The following TBCK variants were observed in gnomAD, a reference collection of about 807,000 sequenced individuals.
TBCK encodes TBC1 domain containing kinase, also known as TBC domain-containing protein kinase-like protein.
Under a neutral mutation model 113.4 loss-of-function variants are expected in TBCK, and 99 were observed. That is an observed-to-expected ratio of 0.87 (90% CI 0.74 to 1.03). The LOEUF is 1.03. Ranked by LOEUF, TBCK falls within the 50% of genes least tolerant of loss-of-function variation. The pLI is 0.00. For missense variants in TBCK, 1,045 were observed against 1,061.3 expected (o/e 0.98, Z 0.21); for synonymous variants, 369 against 370.8 (o/e 1.00, Z 0.05).
Position 106,178,195 on chromosome 4 carries a change from G to A in TBCK, c.2060-6925C>T, listed in dbSNP as rs559409602. On this transcript the variant is annotated intron_variant, in intron 22 of 25. Transcript: ENST00000394708. ...TTTTGTATCCCAATTTACTGAATTC[G>A]CAAATCTGTTCTAACAGTTTTTTGG... 4.6e-5 allele frequency among the ~76,000 whole-genome samples: 7 copies of A among 151,964 alleles called. No homozygotes were observed. The East Asian group carries it at 9.7e-4, about 21-fold the overall frequency.
intron 23 of TBCK, among the ~76,000 whole-genome samples, chr4:106,139,396 A>T (rs1746934014): frequency 7.0e-6 from 1 of 142,136 alleles, no homozygotes; most frequent in South Asian, 2.4e-4. Context: ...AATGCAATTA[A>T]GATGTCCCAA....
intron 3 of TBCK, among the ~76,000 whole-genome samples, chr4:106,279,782 A>C (rs1279606815): frequency 6.6e-6 from 1 of 152,090 alleles, no homozygotes. Context: ...CTTATGGCTG[A>C]ATAGTACTCC....
chr4:106,197,409 GTGTA>G (rs1213410032), intron 20 of TBCK, among the ~76,000 whole-genome samples: 2 of 77,148 alleles, frequency 2.6e-5, no homozygotes, highest in Non-Finnish European at 3.4e-5. Flanking sequence ...GTGTGTGTGT[GTGTA>G]TATATATATA....
intron 23 of TBCK, among the ~76,000 whole-genome samples, chr4:106,128,467 T>A (rs1260853357): frequency 2.0e-5 from 3 of 152,164 alleles, no homozygotes; most frequent in Admixed American, 2.0e-4. Flanking sequence ...TAGGGTTTAG[T>A]TACAACATAC....
At chr4:106,248,114 T>A (rs958420588) in intron 9 of TBCK, 131 bp downstream of exon 9, 16 of 471,774 alleles carry the variant, frequency 3.4e-5, no homozygotes, top group Non-Finnish European at 5.9e-5. Context: ...TTCACAGTTA[T>A]GATACTGATG....
At chr4:106,312,030 C>T (rs973765022) in intron 1 of TBCK, among the ~76,000 whole-genome samples, 2 of 151,996 alleles carry the variant, frequency 1.3e-5, no homozygotes, top group African/African-American at 4.8e-5. Context: ...TTCTTAGACA[C>T]AATAGAACAA....
At chr4:106,120,860 T>C (rs1423567299) in intron 23 of TBCK, among the ~76,000 whole-genome samples, 1 of 151,486 alleles carries the variant, frequency 6.6e-6, no homozygotes, top group African/African-American at 2.4e-5. Context: ...ACCACAAAGA[T>C]GGGAAAAAAA....
chr4:106,058,149 C>T (rs1045307765), intron 25 of TBCK, among the ~76,000 whole-genome samples: 8 of 151,740 alleles, frequency 5.3e-5, no homozygotes, highest in African/African-American at 1.9e-4. Flanking sequence ...TATAACAATG[C>T]AACATAGTCC....
chr4:106,216,996 G>A (rs1439581301), intron 19 of TBCK, among the ~76,000 whole-genome samples: 4 of 152,132 alleles, frequency 2.6e-5, no homozygotes, highest in Non-Finnish European at 5.9e-5. Flanking sequence ...AAATCCAGCA[G>A]CACATCAAAA....
At chr4:106,266,921 CTAGTAG>C (rs1021568357) in intron 3 of TBCK, among the ~76,000 whole-genome samples, 83 of 151,832 alleles carry the variant, frequency 5.5e-4, no homozygotes, top group African/African-American at 1.8e-3. Flanking sequence ...TATCATATGT[CTAGTAG>C]TAGTTAACAT....
intron 9 of TBCK, chr4:106,247,521 A>G (rs1760975662): frequency 1.1e-5 from 4 of 375,048 alleles, no homozygotes; most frequent in Non-Finnish European, 1.9e-5. Context: ...TGTATCAAAA[A>G]TATCATTCCA....
At chr4:106,118,100 T>C (rs979927309) in intron 23 of TBCK, among the ~76,000 whole-genome samples, 2 of 152,164 alleles carry the variant, frequency 1.3e-5, no homozygotes, top group Non-Finnish European at 1.5e-5. Flanking sequence ...TTATGTTTCA[T>C]AAGTTATCAA....
rs529517160 is a variant in TBCK, at chr4:106,190,917, T to A, written c.2059+2692A>T. 1.3e-4 allele frequency among the ~76,000 whole-genome samples: 20 copies of A among 152,224 alleles called. 1 individual carries two copies. In the Middle Eastern group the frequency reaches 0.014, roughly 104 times the overall value. On this transcript the variant is annotated intron_variant, in intron 22 of 25. Coordinates refer to ENST00000394708, the MANE Select transcript of TBCK (RefSeq NM_001163435.3). ...CACCACGCCCGTCTAATTTGTTGTA[T>A]TTTTAGTAGAGATAGAGTTTCACCA...
chr4:106,095,441 C>A, intron 25 of TBCK, 41 bp downstream of exon 25: 1 of 1,538,406 alleles, frequency 6.5e-7, no homozygotes, highest in South Asian at 1.2e-5. Flanking sequence ...GCAGGTAAAT[C>A]ACTCATCATA....
At chr4:106,058,643 G>C (rs1018049148) in intron 25 of TBCK, among the ~76,000 whole-genome samples, 1 of 151,744 alleles carries the variant, frequency 6.6e-6, no homozygotes, top group East Asian at 1.9e-4. Context: ...ACCTAAGAGG[G>C]TGAGGGAGCA....
At position 106,222,717 on chromosome 4, in the gene TBCK, G is replaced by T. The variant is rs150861998; in HGVS notation, c.1774+7646C>A. Among the ~76,000 whole-genome samples, 3 of 152,118 alleles carry T rather than the reference G, an allele frequency of 2.0e-5. No homozygotes were observed. The South Asian group carries it at 6.2e-4, about 32-fold the overall frequency. On this transcript the variant is annotated intron_variant, in intron 19 of 25. Transcript: ENST00000394708. ...AGAATGTGCCCAAACCAAACCATTT[G>T]GTGATAATGTTGACTCACTGCACTC...
intron 19 of TBCK, among the ~76,000 whole-genome samples, chr4:106,228,727 G>A (rs1158305154): frequency 6.6e-6 from 1 of 151,812 alleles, no homozygotes; most frequent in Non-Finnish European, 1.5e-5. Flanking sequence ...ATATCTCTCT[G>A]ACACTCATTT....
At chr4:106,249,069 A>C (rs1761154016) in intron 7 of TBCK, 87 bp from the exon 8 acceptor site, 1 of 857,808 alleles carries the variant, frequency 1.2e-6, no homozygotes. Context: ...AAATGTTTTA[A>C]TGGAGTAATG....
intron 3 of TBCK, among the ~76,000 whole-genome samples, chr4:106,290,067 T>A (rs899320326): frequency 6.6e-6 from 1 of 152,200 alleles, no homozygotes; most frequent in Non-Finnish European, 1.5e-5. Context: ...CCTAAAGTTG[T>A]GGGCATAATT....
Sources: gnomAD v4.1 joint callset for allele counts (sites outside exome capture counted in the v4.1 genomes callset) on GRCh38, gnomAD v4.1.1 for gene constraint, MANE v1.5 for transcripts, NCBI Gene and HGNC (gene_info 2026-07-23, HGNC 2026-07-21) for gene names.